STOX2: variants seen among roughly 807,000 people sequenced by gnomAD.
The protein encoded by STOX2 is storkhead-box protein 2.
Under a neutral mutation model 60.9 loss-of-function variants are expected in STOX2, and 28 were observed. That is an observed-to-expected ratio of 0.46 (90% CI 0.34 to 0.63). STOX2 has a LOEUF of 0.63. Among genes scored for constraint, STOX2 ranks in the 30% least tolerant of loss-of-function variants. STOX2 has a pLI of 0.01. For missense variants in STOX2, 1,024 were observed against 1,187.7 expected, an observed-to-expected ratio of 0.86 and a Z score of 2.03; for synonymous variants, 472 against 463.9, an observed-to-expected ratio of 1.02 and a Z score of -0.22.
intron 1 of STOX2, among the ~76,000 whole-genome samples, chr4:183,996,532 C>T (rs1438873051): frequency 6.6e-6 from 1 of 152,050 alleles, no homozygotes; most frequent in Non-Finnish European, 1.5e-5. Flanking sequence ...TAAATGTGGT[C>T]CGGTAGTTGG....
At position 184,001,375 on chromosome 4, in the gene STOX2, C is replaced by T; in HGVS notation, c.217C>T (p.Pro73Ser). 1 of 1,613,830 alleles carries T rather than the reference C, an allele frequency of 6.2e-7. No homozygotes were observed. Among genetic ancestry groups the T allele is most frequent in the Non-Finnish European group, 8.5e-7 (1 of 1,179,838 alleles). Residue 73 changes from proline (P) to serine (S), a missense_variant, in exon 2 of 4, where the codon CCA (proline) becomes TCA (serine). Physicochemically the swap from Pro to Ser is moderately conservative, Grantham distance 74. This residue lies in a region of STOX2 where 98 missense variants were observed against 110.2 expected (regional missense o/e 0.89). Transcript: ENST00000308497. The surrounding 1 kb of genome is among the most constrained non-coding windows in gnomAD (Gnocchi z 4.2). ...MSPISQSQFI[P>S]LGEILCLAIS... Reference sequence around the variant, plus strand: ...TCCCATCAGTCAGTCTCAGTTTATTCCACTCGGGGAGATCCTCTGCTTGGC... The same window carrying T: ...TCCCATCAGTCAGTCTCAGTTTATTTCACTCGGGGAGATCCTCTGCTTGGC...
At chr4:183,927,862 C>T (rs758830116) in intron 1 of STOX2, among the ~76,000 whole-genome samples, 4 of 152,182 alleles carry the variant, frequency 2.6e-5, no homozygotes, top group African/African-American at 4.8e-5. Context: ...TACCCTGTTT[C>T]TCCACTTGCA....
intron 1 of STOX2, among the ~76,000 whole-genome samples, chr4:183,920,799 T>C (rs1045097601): frequency 6.6e-6 from 1 of 152,180 alleles, no homozygotes; most frequent in African/African-American, 2.4e-5. Context: ...TTAATTGGCT[T>C]AGTGTTATCA....
chr4:183,977,551 G>GTGTGTGTGTGTGTGTGTA (rs1437711387), intron 1 of STOX2, among the ~76,000 whole-genome samples: 2 of 151,944 alleles, frequency 1.3e-5, no homozygotes, highest in Admixed American at 6.6e-5. Flanking sequence ...CATTTCGTGT[G>GTGTGTGTGTGTGTGTGTA]TGTGTGTGTG....
In STOX2 at chr4:183,968,617, C is replaced by T. The variant is rs142322382; in HGVS notation, c.167-32708C>T. On this transcript the variant is annotated intron_variant, in intron 1 of 3. Coordinates refer to ENST00000308497, the MANE Select transcript of STOX2 (RefSeq NM_020225.3). ...AGCTTGGGAGACAGAAATCCTGCCA[C>T]CTTCGCTGCTACAAACGCAGGGCTG... Among the ~76,000 whole-genome samples, 512 of 152,346 alleles carry T rather than the reference C, an allele frequency of 3.4e-3. 1 individual carries two copies. The highest frequency in any genetic ancestry group is 5.4e-3 in the Non-Finnish European group (367 of 68,038).
chr4:183,874,993 A>ATATGT (rs1560857952), intron 1 of STOX2, among the ~76,000 whole-genome samples: 3 of 116,012 alleles, frequency 2.6e-5, no homozygotes, highest in Non-Finnish European at 5.3e-5. Flanking sequence ...ATATATATAT[A>ATATGT]AAACTTAGAA....
chr4:183,891,867 A>G (rs1456004179), intron 1 of STOX2, among the ~76,000 whole-genome samples: 1 of 152,234 alleles, frequency 6.6e-6, no homozygotes, highest in East Asian at 1.9e-4. Context: ...GTATTAGTTT[A>G]GAAATAGCTA....
chr4:184,009,584 A>G lies in STOX2; in HGVS notation c.746A>G (p.Lys249Arg). 1 of 1,613,964 alleles carries G rather than the reference A, an allele frequency of 6.2e-7. No individual in the cohort carries two copies. The highest frequency in any genetic ancestry group is 8.5e-7 in the Non-Finnish European group (1 of 1,179,854). ...KSKSTVNFSYKTETLSKPKDS... is the reference protein window; with the variant it reads ...KSKSTVNFSYRTETLSKPKDS... Reference sequence around the variant, plus strand: ...AAAAGTACTGTAAATTTTTCCTATAAGACAGAAACTCTCTCAAAACCTAAA... The same window carrying G: ...AAAAGTACTGTAAATTTTTCCTATAGGACAGAAACTCTCTCAAAACCTAAA... Residue 249 changes from lysine (K) to arginine (R), a missense_variant, in exon 3 of 4, where the codon AAG (lysine) becomes AGG (arginine). Transcript: ENST00000308497. This position sits in a 1 kb window ranked among gnomAD's most constrained non-coding sequence, Gnocchi z 4.0.
chr4:183,809,658 A>C (rs1163161159), intron 1 of STOX2, among the ~76,000 whole-genome samples: 1 of 152,122 alleles, frequency 6.6e-6, no homozygotes, highest in Non-Finnish European at 1.5e-5. Flanking sequence ...CAGCCTCCCA[A>C]AGTGCTGAAA....
At chr4:184,012,973 C>T (rs774966703) in intron 3 of STOX2, among the ~76,000 whole-genome samples, 10 of 152,078 alleles carry the variant, frequency 6.6e-5, no homozygotes, top group African/African-American at 2.2e-4. Flanking sequence ...GTCTGTAATC[C>T]GTGGTAGAAG....
At position 183,815,747 on chromosome 4, in the gene STOX2, A is replaced by G. The variant is rs542362391; in HGVS notation, c.364+17692A>G. Among the ~76,000 whole-genome samples the G allele has an allele frequency of 4.6e-5, 7 of 152,346 alleles. No homozygotes were observed. In the South Asian group the frequency reaches 1.4e-3, roughly 32 times the overall value. On this transcript the variant is annotated intron_variant, in intron 1 of 2. Coordinates refer to the STOX2 transcript ENST00000513034. ...TGGTCCTCAGCATGGGTAGGTAAAC[A>G]CGAGATCTTTTGAATGAGGTCTCTC... is the stretch of plus-strand genomic sequence containing the variant.
chr4:183,853,503 T>A (rs1170929114), intron 1 of STOX2: 2 of 152,324 alleles, frequency 1.3e-5, no homozygotes, highest in East Asian at 3.9e-4. Context: ...TAATGCAGCC[T>A]GGAAACACAC....
intron 1 of STOX2, among the ~76,000 whole-genome samples, chr4:183,837,841 AT>A (rs1173234778): frequency 2.0e-5 from 3 of 152,140 alleles, no homozygotes; most frequent in Non-Finnish European, 4.4e-5. Flanking sequence ...TGTATACCAA[AT>A]TTTGTTTATC....
rs1742059509 is a variant in STOX2, at chr4:183,920,088, G to A, written c.166+13132G>A. 4.6e-5 allele frequency among the ~76,000 whole-genome samples: 7 copies of A among 152,036 alleles called. No individual in the cohort carries two copies. In the South Asian group the frequency reaches 1.5e-3, roughly 32 times the overall value. ...CGGTATACTTTTAATCATGTTCAGT[G>A]TTAGTAAAATAACTTCTTATTTTTA... On this transcript the variant is annotated intron_variant, in intron 1 of 3. Coordinates refer to ENST00000308497, the MANE Select transcript of STOX2 (RefSeq NM_020225.3).
intron 1 of STOX2, among the ~76,000 whole-genome samples, chr4:183,889,659 G>A (rs1340257165): frequency 6.6e-6 from 1 of 152,220 alleles, no homozygotes; most frequent in Non-Finnish European, 1.5e-5. Flanking sequence ...GCAACTTCGA[G>A]TCAGAGGGCC....
Position 183,906,383 on chromosome 4 carries a change from G to A in STOX2, c.-408G>A, listed in dbSNP as rs1252144503. On this transcript the variant is annotated 5_prime_UTR_variant, in exon 1 of 4. Transcript: ENST00000308497. ...GTCTTTTGTGCCGTGGCTCCCAGTT[G>A]GCCAAGCACTCCTGCGCTGAATCGG... is the stretch of plus-strand genomic sequence containing the variant. The A allele has an allele frequency of 6.3e-6, 1 of 158,928 alleles. No homozygotes were observed. Among genetic ancestry groups the A allele is most frequent in the Non-Finnish European group, 1.4e-5 (1 of 73,006 alleles). The allele number at this position is 158,928 out of a possible 1,614,324, so 9.8% of individuals were successfully genotyped here. A position where few individuals can be genotyped will look rare whatever the true frequency, so the allele number is the denominator to read the frequency against.
At chr4:183,798,162 G>C (rs1221352131) in intron 1 of STOX2, 2 of 1,108,758 alleles carry the variant, frequency 1.8e-6, no homozygotes, top group African/African-American at 1.6e-5. Context: ...GGGCACCGCC[G>C]AGGCTCCCCT....
chr4:183,948,491 C>G (rs981261503), intron 1 of STOX2, among the ~76,000 whole-genome samples: 1 of 1,408 alleles, frequency 7.1e-4, no homozygotes, highest in Non-Finnish European at 0.011. Context: ...GGGGCTCTTT[C>G]TCTAATATGC....
At chr4:183,987,142 C>T (rs1732877001) in intron 1 of STOX2, among the ~76,000 whole-genome samples, 1 of 152,108 alleles carries the variant, frequency 6.6e-6, no homozygotes, top group South Asian at 2.1e-4. Flanking sequence ...TGGGAGAGTT[C>T]GGCAGTACCA....
Sources: gnomAD v4.1 joint callset for allele counts (sites outside exome capture counted in the v4.1 genomes callset) on GRCh38, gnomAD v4.1.1 for gene constraint, gnomAD v4.1.1 regional missense constraint, Gnocchi (gnomAD v3.1) non-coding constraint, MANE v1.5 for transcripts, NCBI Gene and HGNC (gene_info 2026-07-23, HGNC 2026-07-21) for gene names.